The following CPNE4 variants were observed in gnomAD, a reference collection of about 807,000 sequenced individuals.
CPNE4 encodes copine-4.
Under a neutral mutation model 67.9 loss-of-function variants are expected in CPNE4, and 25 were observed. That is an observed-to-expected ratio of 0.37 (90% CI 0.27 to 0.51). The LOEUF (loss-of-function observed/expected upper bound fraction) is 0.51, where lower values mean the gene tolerates loss of function less well. Ranked by LOEUF, CPNE4 falls within the 20% of genes least tolerant of loss-of-function variation. The probability of loss-of-function intolerance (pLI) is 0.93; values close to 1 mark genes in which losing one functional copy is unlikely to be tolerated. For synonymous variants in CPNE4, 242 were observed against 244.9 expected (o/e 0.99, Z 0.11); for missense variants, 464 against 690.8 (o/e 0.67, Z 3.68).
chr3:132,004,205 TTCTATA>T (rs1293787948), intron 1 of CPNE4, among the ~76,000 whole-genome samples: 3 of 152,128 alleles, frequency 2.0e-5, no homozygotes, highest in Admixed American at 6.6e-5. Flanking sequence ...AAAAAATCCA[TTCTATA>T]TCTATGTCTA....
intron 1 of CPNE4, among the ~76,000 whole-genome samples, chr3:131,977,378 T>G (rs954717602): frequency 1.3e-5 from 2 of 152,156 alleles, no homozygotes; most frequent in South Asian, 4.1e-4. Flanking sequence ...TAATTAGCTA[T>G]GACAGCACCT....
chr3:131,811,859 T>C (rs1384137552), intron 2 of CPNE4, among the ~76,000 whole-genome samples: 1 of 152,206 alleles, frequency 6.6e-6, no homozygotes, highest in African/African-American at 2.4e-5. Flanking sequence ...ATGTGATAGC[T>C]ATAAATATCC....
chr3:131,811,540 T>G (rs1050876539), intron 2 of CPNE4, among the ~76,000 whole-genome samples: 3 of 152,136 alleles, frequency 2.0e-5, no homozygotes, highest in African/African-American at 7.2e-5. Flanking sequence ...GCCTCTACTA[T>G]GTATTCAAAG....
intron 2 of CPNE4, among the ~76,000 whole-genome samples, chr3:131,784,576 G>A (rs560601868): frequency 6.6e-4 from 100 of 152,232 alleles, no homozygotes; most frequent in Middle Eastern, 3.4e-3. Context: ...AAGGGTTAAC[G>A]TCTGAGCATC....
At chr3:131,935,524 G>T (rs530499325) in intron 1 of CPNE4, among the ~76,000 whole-genome samples, 8 of 152,144 alleles carry the variant, frequency 5.3e-5, no homozygotes, top group African/African-American at 1.9e-4. Flanking sequence ...GCTAAAGAAG[G>T]CAAGGAGCCA....
At chr3:131,565,927 T>C (rs1477508340) in intron 10 of CPNE4, among the ~76,000 whole-genome samples, 2 of 151,954 alleles carry the variant, frequency 1.3e-5, no homozygotes, top group Non-Finnish European at 2.9e-5. Context: ...AATCTCTGTG[T>C]CAGGCACTGT....
intron 10 of CPNE4, among the ~76,000 whole-genome samples, chr3:131,564,739 G>T (rs1443531156): frequency 6.6e-6 from 1 of 151,944 alleles, no homozygotes; most frequent in Non-Finnish European, 1.5e-5. Flanking sequence ...TTCCATCTAC[G>T]CGGCATAGGT....
At chr3:132,029,254 G>A (rs6790962) in intron 1 of CPNE4, among the ~76,000 whole-genome samples, 42,249 of 152,046 alleles carry the variant, frequency 0.28, 6,082 homozygotes, top group East Asian at 0.38. Flanking sequence ...CTGTCCAGCC[G>A]CGGAGCAACC....
At chr3:131,801,478 A>ATATATATATATATATAT (rs375249673) in intron 2 of CPNE4, among the ~76,000 whole-genome samples, 3 of 128,132 alleles carry the variant, frequency 2.3e-5, no homozygotes, top group Non-Finnish European at 4.9e-5. Context: ...ATATATATAT[A>ATATATATATATATATAT]ATATCACTGC....
At chr3:131,614,543 T>C (rs1940031467) in intron 7 of CPNE4, among the ~76,000 whole-genome samples, 1 of 152,192 alleles carries the variant, frequency 6.6e-6, no homozygotes, top group Admixed American at 6.5e-5. Context: ...ATGGATGTAA[T>C]TGAGAGACAA....
At chr3:131,929,196 CAAAAAAAAA>C (rs57462900) in intron 1 of CPNE4, among the ~76,000 whole-genome samples, 2 of 98,840 alleles carry the variant, frequency 2.0e-5, no homozygotes, top group South Asian at 4.1e-4. Context: ...TTGTCCTCAC[CAAAAAAAAA>C]AAAAAAAAAA....
intron 7 of CPNE4, among the ~76,000 whole-genome samples, chr3:131,650,523 C>T (rs369606802): frequency 2.8e-5 from 4 of 142,188 alleles, no homozygotes; most frequent in Non-Finnish European, 4.4e-5. Context: ...TCTGGGAGGC[C>T]GAGGCGGGTG....
At chr3:131,707,173 C>A (rs1031987557) in intron 3 of CPNE4, among the ~76,000 whole-genome samples, 9 of 152,190 alleles carry the variant, frequency 5.9e-5, no homozygotes, top group African/African-American at 1.9e-4. Flanking sequence ...TGGTTTAAAA[C>A]AACAGAAATG....
chr3:131,799,087 G>A (rs1395888098), intron 2 of CPNE4, among the ~76,000 whole-genome samples: 1 of 151,932 alleles, frequency 6.6e-6, no homozygotes, highest in Non-Finnish European at 1.5e-5. Context: ...CTCACTTTGT[G>A]GAGTTTTGAA....
At chr3:131,703,555 A>G (rs1025421997) in intron 3 of CPNE4, among the ~76,000 whole-genome samples, 1 of 152,174 alleles carries the variant, frequency 6.6e-6, no homozygotes, top group Non-Finnish European at 1.5e-5. Context: ...TCAATTTTAG[A>G]AAAATGCACT....
chr3:131,642,058 T>C (rs1315418581), intron 7 of CPNE4, among the ~76,000 whole-genome samples: 2 of 152,140 alleles, frequency 1.3e-5, no homozygotes, highest in Non-Finnish European at 2.9e-5. Flanking sequence ...ATACAGTGTA[T>C]GCTGCTCGAG....
chr3:131,833,754 A>C (rs2085461382), intron 2 of CPNE4, among the ~76,000 whole-genome samples: 1 of 152,090 alleles, frequency 6.6e-6, no homozygotes, highest in Non-Finnish European at 1.5e-5. Context: ...ATTCCTCAAA[A>C]CTGGAGAAAT....
chr3:131,756,535 G>A (rs2082753865), intron 2 of CPNE4, among the ~76,000 whole-genome samples: 1 of 152,130 alleles, frequency 6.6e-6, no homozygotes, highest in African/African-American at 2.4e-5. Context: ...CTCTACCTTG[G>A]GATGGGAAAA....
chr3:131,881,441 T>C (rs1327401116), intron 2 of CPNE4, among the ~76,000 whole-genome samples: 1 of 152,034 alleles, frequency 6.6e-6, no homozygotes, highest in Non-Finnish European at 1.5e-5. Flanking sequence ...ACTAAGATAT[T>C]TCACAGTTCC....
Sources: gnomAD v4.1 joint callset for allele counts (sites outside exome capture counted in the v4.1 genomes callset) on GRCh38, gnomAD v4.1.1 for gene constraint, MANE v1.5 for transcripts, NCBI Gene and HGNC (gene_info 2026-07-23, HGNC 2026-07-21) for gene names.